CELSR1: variants seen among roughly 807,000 people sequenced by gnomAD.
The protein encoded by CELSR1 is cadherin EGF LAG seven-pass G-type receptor 1.
CELSR1 carries 110 observed loss-of-function variants against 249.1 expected under a neutral mutation model. The ratio of observed to expected loss-of-function variants is 0.44; its 90% confidence interval spans 0.38 to 0.52. CELSR1 has a LOEUF of 0.52. Among genes scored for constraint, CELSR1 ranks in the 20% least tolerant of loss-of-function variants. CELSR1 has a pLI of 0.00. For synonymous variants in CELSR1, 2,113 were observed against 1,900.0 expected, an observed-to-expected ratio of 1.11 and a Z score of -2.92; for missense variants, 4,109 against 4,296.4, an observed-to-expected ratio of 0.96 and a Z score of 1.22.
At chr22:46,400,057 C>A (rs1448447448) in intron 9 of CELSR1, 155 bp from the exon 10 acceptor site, 4 of 748,982 alleles carry the variant, frequency 5.3e-6, no homozygotes, top group Non-Finnish European at 6.4e-6. Context: ...TGGCCAGGTG[C>A]GGTGGCTCAG....
rs2080293745 is a variant in CELSR1 at position 46,484,243 on chromosome 22, C to A, written c.3545-19898G>T. ...ACCAGTAAACCTGGCATCCACAGGG[C>A]CCACCAGCCCCAGCTGCTCAGTCCC... On this transcript the variant is annotated intron_variant, in intron 1 of 34. Transcript: ENST00000674500. This position sits in a 1 kb window ranked among gnomAD's most constrained non-coding sequence, Gnocchi z 4.5. Among the ~76,000 whole-genome samples, 1 of 152,158 alleles carries A rather than the reference C, an allele frequency of 6.6e-6. No homozygotes were observed. The highest frequency in any genetic ancestry group is 2.4e-5 in the African/African-American group (1 of 41,446).
At chr22:46,524,784 T>C (rs2080722634) in intron 1 of CELSR1, among the ~76,000 whole-genome samples, 1 of 152,136 alleles carries the variant, frequency 6.6e-6, no homozygotes, top group South Asian at 2.1e-4. Context: ...ACTGGTGTTT[T>C]CCTGAAAAAT....
Position 46,516,170 on chromosome 22 carries a change from C to T in CELSR1, c.3544+17457G>A, listed in dbSNP as rs563098790. Reference sequence around the variant, plus strand: ...GACACATGCACACGTATGTTTATTGCGGCACTACTCACAATAGCAAAGACT... The same window carrying T: ...GACACATGCACACGTATGTTTATTGTGGCACTACTCACAATAGCAAAGACT... On this transcript the variant is annotated intron_variant, in intron 1 of 34. Coordinates refer to ENST00000674500, the MANE Select transcript of CELSR1 (RefSeq NM_001378328.1). Among the ~76,000 whole-genome samples, 12 of 152,234 alleles carry T rather than the reference C, an allele frequency of 7.9e-5. No homozygotes were observed. The South Asian group carries it at 1.5e-3, about 18-fold the overall frequency.
At position 46,534,363 on chromosome 22, in the gene CELSR1, G is replaced by A. The variant is rs752208531; in HGVS notation, c.2808C>T (p.Asp936=). 1.1e-5 allele frequency: 18 copies of A among 1,612,752 alleles called. No homozygotes were observed. The highest frequency in any genetic ancestry group is 4.5e-5 in the East Asian group (2 of 44,900). The change falls in exon 1 of 35, where the codon GAC becomes GAT. Residue 936 remains aspartate, a synonymous_variant. Coordinates refer to ENST00000674500, the MANE Select transcript of CELSR1 (RefSeq NM_001378328.1). The surrounding 1 kb of genome is among the most constrained non-coding windows in gnomAD (Gnocchi z 9.7). ...RLLYTFQGGD[D]GDGDFYIEPT... The stretch of plus-strand genomic sequence containing the variant: ...GCTCGATGTAGAAGTCCCCATCGCC[G>A]TCGTCCCCACCCTGGAAGGTGTACA...
Position 46,391,812 on chromosome 22 carries a change from T to C in CELSR1, c.5969A>G (p.Asn1990Ser), listed in dbSNP as rs761772455. ...KTNGQCQCKE[N>S]YYKLLAQDTC... The stretch of plus-strand genomic sequence containing the variant: ...GTCCTGGGCTAGGAGCTTGTAGTAA[T>C]TCTCCTGCAAAAGCCAGAGGCAGGG... Residue 1990 changes from asparagine to serine, a missense_variant, in exon 15 of 35, where the codon AAT becomes AGT. This residue lies in a region of CELSR1 where 1,805 missense variants were observed against 1,831.6 expected (regional missense o/e 0.99). Transcript: ENST00000674500. The surrounding 1 kb of genome is among the most constrained non-coding windows in gnomAD (Gnocchi z 4.3). 9.3e-6 allele frequency: 15 copies of C among 1,608,936 alleles called. No individual in the cohort carries two copies. The East Asian group carries it at 1.6e-4, about 17-fold the overall frequency.
At chr22:46,507,078 C>T (rs1602223453) in intron 1 of CELSR1, among the ~76,000 whole-genome samples, 3 of 152,206 alleles carry the variant, frequency 2.0e-5, no homozygotes, top group South Asian at 4.1e-4. Context: ...CCCAGCTACT[C>T]GGGAGGCTGA....
chr22:46,363,054 A>G lies in CELSR1; in HGVS notation c.*169T>C. ...CCAAGACCTTTGTGTCTGGATGATC[A>G]GTCGGGGGGCTGCCACCATGGGGAC... On this transcript the variant is annotated 3_prime_UTR_variant, in exon 35 of 35. Transcript: ENST00000674500. This position sits in a 1 kb window ranked among gnomAD's most constrained non-coding sequence, Gnocchi z 4.3. The G allele has an allele frequency of 1.4e-6, 2 of 1,387,142 alleles. No homozygotes were observed. The highest frequency in any genetic ancestry group is 1.4e-5 in the African/African-American group (1 of 69,316). The allele number at this position is 1,387,142 out of a possible 1,614,324, so 85.9% of individuals were successfully genotyped here. A position where few individuals can be genotyped will look rare whatever the true frequency, so the allele number is the denominator to read the frequency against.
At chr22:46,510,595 C>A (rs546700833) in intron 1 of CELSR1, among the ~76,000 whole-genome samples, 1 of 152,174 alleles carries the variant, frequency 6.6e-6, no homozygotes, top group Non-Finnish European at 1.5e-5. Flanking sequence ...TCTCGGCTCA[C>A]ACGCAGCCCC....
Position 46,535,454 on chromosome 22 carries a change from T to C in CELSR1, c.1717A>G (p.Thr573Ala). The part of the protein sequence containing the change: ...PIFVSSPFQA[T>A]VLENVPLGYP... ...CCCAGGGGCACATTCTCCAGCACCGTGGCCTGGAAGGGGCTGCTCACAAAG... is the reference window on the plus strand; with the variant it reads ...CCCAGGGGCACATTCTCCAGCACCGCGGCCTGGAAGGGGCTGCTCACAAAG... The change falls in exon 1 of 35, where the codon ACG becomes GCG. Residue 573 changes from threonine (T) to alanine (A), a missense_variant. Coordinates refer to ENST00000674500, the MANE Select transcript of CELSR1 (RefSeq NM_001378328.1). 6.2e-7 allele frequency: 1 copy of C among 1,609,862 alleles called. No individual in the cohort carries two copies.
chr22:46,432,625 G>A (rs192918513), intron 5 of CELSR1, among the ~76,000 whole-genome samples: 5 of 152,326 alleles, frequency 3.3e-5, no homozygotes, highest in Middle Eastern at 3.4e-3. Flanking sequence ...ACAAGCCAAC[G>A]AACAGCAAAA....
rs2079823397 is a variant in CELSR1 at position 46,446,575 on chromosome 22, A to G, written c.4184-7164T>C. On this transcript the variant is annotated intron_variant, in intron 2 of 34. Transcript: ENST00000674500. The surrounding 1 kb of genome is among the most constrained non-coding windows in gnomAD (Gnocchi z 5.5). ...TAAATGCCTGGTGTGTGCAGGGCAT[A>G]TGCTGAGCACCTGGCAGGGAGGGTC... Among the ~76,000 whole-genome samples the G allele has an allele frequency of 6.6e-6, 1 of 151,762 alleles. No homozygotes were observed.
rs2079173920 is a variant in CELSR1 at position 46,398,366 on chromosome 22, G to A, written c.5526+158C>T. On this transcript the variant is annotated intron_variant, in intron 11 of 34. Transcript: ENST00000674500. This position sits in a 1 kb window ranked among gnomAD's most constrained non-coding sequence, Gnocchi z 7.2. ...AACCGCAGGGGAGAATGGGTCTGAA[G>A]AGGAAACAGGAGCTGTTAAAGTGGG... Among the ~76,000 whole-genome samples, 1 of 152,146 alleles carries A rather than the reference G, an allele frequency of 6.6e-6. No individual in the cohort carries two copies. Among genetic ancestry groups the A allele is most frequent in the African/African-American group, 2.4e-5 (1 of 41,418 alleles).
intron 1 of CELSR1, among the ~76,000 whole-genome samples, chr22:46,532,091 C>T (rs761659506): frequency 6.6e-6 from 1 of 152,088 alleles, no homozygotes; most frequent in Non-Finnish European, 1.5e-5. Flanking sequence ...TGGCTAACAG[C>T]GGGGGGGCCC....
At position 46,437,124 on chromosome 22, in the gene CELSR1, A is replaced by G. The variant is rs999938480; in HGVS notation, c.4407-835T>C. 3.9e-5 allele frequency among the ~76,000 whole-genome samples: 6 copies of G among 152,340 alleles called. No homozygotes were observed. The highest frequency in any genetic ancestry group is 1.4e-4 in the African/African-American group (6 of 41,580). The stretch of plus-strand genomic sequence containing the variant: ...GGCATGAACAGACGCCTGAACATGA[A>G]CAGGCCTGTCAGAACTTAGAGCACG... On this transcript the variant is annotated intron_variant, in intron 3 of 34. Coordinates refer to ENST00000674500, the MANE Select transcript of CELSR1 (RefSeq NM_001378328.1). The surrounding 1 kb of genome is among the most constrained non-coding windows in gnomAD (Gnocchi z 4.9).
chr22:46,478,783 A>G (rs976029192), intron 1 of CELSR1, among the ~76,000 whole-genome samples: 1 of 150,544 alleles, frequency 6.6e-6, no homozygotes, highest in African/African-American at 2.4e-5. Flanking sequence ...CGAACTCCTG[A>G]CCTTGTGATC....
At chr22:46,481,413 A>G in intron 1 of CELSR1, 3 of 1,424,880 alleles carry the variant, frequency 2.1e-6, no homozygotes, top group East Asian at 2.3e-5. Context: ...ACTTGGTCAC[A>G]CCACCTTCCA....
rs563612526 is a variant in CELSR1, at chr22:46,406,352, G to A, written c.5226+2644C>T. 3.3e-5 allele frequency among the ~76,000 whole-genome samples: 5 copies of A among 152,300 alleles called. No individual in the cohort carries two copies. Among genetic ancestry groups the A allele is most frequent in the South Asian group, 4.1e-4 (2 of 4,830 alleles). ...CAGGCCAGCTGTAATCATCCCTGGCGCACACCACACCTTCCAGGCAATCCG... is the reference window on the plus strand; with the variant it reads ...CAGGCCAGCTGTAATCATCCCTGGCACACACCACACCTTCCAGGCAATCCG... On this transcript the variant is annotated intron_variant, in intron 9 of 34. Transcript: ENST00000674500. This position sits in a 1 kb window ranked among gnomAD's most constrained non-coding sequence, Gnocchi z 5.4.
chr22:46,460,026 G>T (rs536284583), intron 2 of CELSR1, among the ~76,000 whole-genome samples: 7 of 152,288 alleles, frequency 4.6e-5, no homozygotes, highest in Non-Finnish European at 8.8e-5. Flanking sequence ...GGCCAATATA[G>T]CGAAACCCAG....
chr22:46,459,863 T>C (rs1329465685), intron 2 of CELSR1, among the ~76,000 whole-genome samples: 1 of 152,006 alleles, frequency 6.6e-6, no homozygotes, highest in Non-Finnish European at 1.5e-5. Flanking sequence ...AGAAAATACG[T>C]GTAGAATCAT....
Sources: allele counts gnomAD v4.1 joint callset (sites outside exome capture counted in the v4.1 genomes callset), GRCh38; gene constraint gnomAD v4.1.1; regional missense constraint gnomAD v4.1.1; non-coding constraint Gnocchi (gnomAD v3.1); transcripts MANE v1.5; gene names NCBI Gene and HGNC (gene_info 2026-07-23, HGNC 2026-07-21).